The following DGKB variants were observed in gnomAD, a reference collection of about 807,000 sequenced individuals.
DGKB encodes 90 kDa diacylglycerol kinase.
A neutral mutation model predicts 114.3 loss-of-function variants in DGKB; 67 were observed. The observed-to-expected ratio is 0.59, with a 90% confidence interval of 0.48 to 0.72. The LOEUF (loss-of-function observed/expected upper bound fraction) is 0.72. Among genes scored for constraint, DGKB ranks in the 30% least tolerant of loss-of-function variants. DGKB has a pLI of 0.00. For missense variants in DGKB, 907 were observed against 975.2 expected (o/e 0.93, Z 0.93); for synonymous variants, 398 against 323.1 (o/e 1.23, Z -2.49).
chr7:14,260,518 A>T (rs1015929928), intron 23 of DGKB, among the ~76,000 whole-genome samples: 1 of 152,208 alleles, frequency 6.6e-6, no homozygotes, highest in Non-Finnish European at 1.5e-5. Flanking sequence ...GATGATCATC[A>T]TTTTATAAGA....
At chr7:14,283,264 T>C (rs955085741) in intron 23 of DGKB, among the ~76,000 whole-genome samples, 1 of 151,286 alleles carries the variant, frequency 6.6e-6, no homozygotes, top group Non-Finnish European at 1.5e-5. Context: ...CCATTCACAA[T>C]TGCTTTAAAG....
chr7:14,426,479 A>G (rs1460621472), intron 21 of DGKB, among the ~76,000 whole-genome samples: 1 of 152,130 alleles, frequency 6.6e-6, no homozygotes, highest in Non-Finnish European at 1.5e-5. Context: ...CAATAAAGTC[A>G]TGTACCACAA....
chr7:14,482,319 T>C (rs1293090679), intron 20 of DGKB, among the ~76,000 whole-genome samples: 1 of 151,780 alleles, frequency 6.6e-6, no homozygotes, highest in African/African-American at 2.4e-5. Flanking sequence ...ATTGAGATGG[T>C]TAATTAAATA....
At chr7:14,801,522 GGGC>G (rs564540985) in intron 2 of DGKB, among the ~76,000 whole-genome samples, 17 of 152,204 alleles carry the variant, frequency 1.1e-4, no homozygotes, top group African/African-American at 3.9e-4. Context: ...CAATGTGAGT[GGGC>G]ATCATCCAGT....
intron 23 of DGKB, among the ~76,000 whole-genome samples, chr7:14,185,620 C>T (rs191516793): frequency 1.3e-5 from 2 of 152,268 alleles, no homozygotes; most frequent in Admixed American, 1.3e-4. Context: ...TTAAACTATA[C>T]TGTAAGGCCA....
intron 21 of DGKB, among the ~76,000 whole-genome samples, chr7:14,408,375 T>C (rs565981204): frequency 2.6e-5 from 4 of 152,166 alleles, no homozygotes; most frequent in Admixed American, 2.0e-4. Context: ...CAATAAGCAA[T>C]TGTTTATGTG....
chr7:14,421,570 T>C (rs183059811), intron 21 of DGKB, among the ~76,000 whole-genome samples: 112 of 152,234 alleles, frequency 7.4e-4, no homozygotes, highest in African/African-American at 2.4e-3. Context: ...CAAATGTCAA[T>C]TGCCTCTAGA....
intron 1 of DGKB, among the ~76,000 whole-genome samples, chr7:14,889,014 T>TA (rs1196380804): frequency 1.3e-5 from 2 of 151,482 alleles, no homozygotes; most frequent in Non-Finnish European, 3.0e-5. Context: ...ATTACATTAT[T>TA]AAAAAAGCAG....
intron 21 of DGKB, among the ~76,000 whole-genome samples, chr7:14,457,971 C>G (rs1584091499): frequency 1.3e-5 from 2 of 152,174 alleles, no homozygotes; most frequent in African/African-American, 4.8e-5. Flanking sequence ...ATCCAGTGTT[C>G]TCTGGATTGC....
chr7:14,452,866 C>T (rs1831728813), intron 21 of DGKB, among the ~76,000 whole-genome samples: 2 of 151,974 alleles, frequency 1.3e-5, no homozygotes, highest in Non-Finnish European at 2.9e-5. Context: ...CCAAGTGTCC[C>T]AGCACCATTA....
At chr7:14,770,401 A>C (rs1000155741) in intron 2 of DGKB, among the ~76,000 whole-genome samples, 6 of 152,108 alleles carry the variant, frequency 3.9e-5, no homozygotes, top group African/African-American at 1.4e-4. Flanking sequence ...TCTCTGTTAT[A>C]AAGAAATGTC....
At chr7:14,464,214 C>G (rs1461950067) in intron 21 of DGKB, among the ~76,000 whole-genome samples, 1 of 151,674 alleles carries the variant, frequency 6.6e-6, no homozygotes, top group Non-Finnish European at 1.5e-5. Context: ...TGTAAAACAG[C>G]CAAAATAATT....
chr7:14,783,197 A>G (rs1839380215), intron 2 of DGKB, among the ~76,000 whole-genome samples: 1 of 152,188 alleles, frequency 6.6e-6, no homozygotes, highest in Non-Finnish European at 1.5e-5. Flanking sequence ...AATAATGAAT[A>G]AAAGAGCTGA....
At chr7:14,961,273 G>T (rs1352980452) in intron 1 of DGKB, among the ~76,000 whole-genome samples, 2 of 151,832 alleles carry the variant, frequency 1.3e-5, no homozygotes, top group Non-Finnish European at 2.9e-5. Context: ...AAAGTTTTTT[G>T]AACAAAACAT....
chr7:14,510,331 A>C (rs1787805974), intron 20 of DGKB, among the ~76,000 whole-genome samples: 2 of 152,174 alleles, frequency 1.3e-5, no homozygotes, highest in Non-Finnish European at 2.9e-5. Flanking sequence ...AGTTTTCGTA[A>C]TAGTCTACAT....
Position 14,588,226 on chromosome 7 carries a change from CA to C in DGKB, c.1434-5090del, listed in dbSNP as rs1334586578. ...TATTCCTTTTCACCTTGTTGGTTTG[CA>C]AAAAAATTTTACACGTCTTTGATTT... On this transcript the variant is annotated intron_variant, in intron 17 of 25. Transcript: ENST00000402815. Among the ~76,000 whole-genome samples, 4 of 151,786 alleles carry C rather than the reference CA, an allele frequency of 2.6e-5. No individual in the cohort carries two copies. In the East Asian group the frequency reaches 7.7e-4, roughly 29 times the overall value.
chr7:14,565,802 G>T (rs779729534), intron 20 of DGKB, among the ~76,000 whole-genome samples: 1 of 151,662 alleles, frequency 6.6e-6, no homozygotes, highest in African/African-American at 2.4e-5. Flanking sequence ...TGGTCTCTTT[G>T]CTTCCATTCT....
chr7:14,970,314 A>G (rs1397804566), intron 1 of DGKB, among the ~76,000 whole-genome samples: 1 of 152,142 alleles, frequency 6.6e-6, no homozygotes, highest in Non-Finnish European at 1.5e-5. Context: ...TTACTCATGA[A>G]ACTTAACACT....
chr7:14,683,417 C>A (rs560004502), intron 10 of DGKB, among the ~76,000 whole-genome samples: 1 of 152,146 alleles, frequency 6.6e-6, no homozygotes, highest in African/African-American at 2.4e-5. Flanking sequence ...CTTTGCTGGG[C>A]GGCATATTGT....
Sources: allele counts gnomAD v4.1 joint callset (sites outside exome capture counted in the v4.1 genomes callset), GRCh38; gene constraint gnomAD v4.1.1; transcripts MANE v1.5; gene names NCBI Gene and HGNC (gene_info 2026-07-23, HGNC 2026-07-21).